ABCB1: variants seen among roughly 807,000 people sequenced by gnomAD.
ABCB1 encodes the protein ATP binding cassette subfamily B member 1.
A neutral mutation model predicts 142.0 loss-of-function variants in ABCB1; 69 were observed. That is an observed-to-expected ratio of 0.49 (90% CI 0.40 to 0.59). The LOEUF (loss-of-function observed/expected upper bound fraction) is 0.59. Ranked by LOEUF, ABCB1 falls within the 20% of genes least tolerant of loss-of-function variation. The pLI, the probability that ABCB1 is intolerant of heterozygous loss-of-function variation, is 0.00. For synonymous variants in ABCB1, 532 were observed against 539.2 expected (o/e 0.99, Z 0.18); for missense variants, 1,326 against 1,554.7 (o/e 0.85, Z 2.47).
At chr7:87,640,748 C>T (rs1163904559) in intron 1 of ABCB1, among the ~76,000 whole-genome samples, 1 of 152,112 alleles carries the variant, frequency 6.6e-6, no homozygotes, top group African/African-American at 2.4e-5. Flanking sequence ...CTTTATGCTT[C>T]AGCTTGTATG....
intron 1 of ABCB1, among the ~76,000 whole-genome samples, chr7:87,690,716 A>G (rs1165763312): frequency 6.6e-6 from 1 of 152,156 alleles, no homozygotes; most frequent in African/African-American, 2.4e-5. Flanking sequence ...CCTTAACAGT[A>G]TTAGTAATAG....
At chr7:87,611,667 A>G (rs535003507) in intron 1 of ABCB1, among the ~76,000 whole-genome samples, 13 of 152,180 alleles carry the variant, frequency 8.5e-5, no homozygotes, top group African/African-American at 2.6e-4. Flanking sequence ...AGAAAATAGC[A>G]TGTATTTTAA....
intron 1 of ABCB1, among the ~76,000 whole-genome samples, chr7:87,705,892 T>C (rs554796268): frequency 2.0e-5 from 3 of 152,312 alleles, no homozygotes; most frequent in African/African-American, 7.2e-5. Context: ...TCCAACTGAT[T>C]TCAAGTTCAA....
intron 8 of ABCB1, among the ~76,000 whole-genome samples, chr7:87,558,126 C>A (rs1817383875): frequency 6.6e-6 from 1 of 152,124 alleles, no homozygotes; most frequent in South Asian, 2.1e-4. Context: ...CCAGTGTTGT[C>A]CAAAAACAAC....
intron 1 of ABCB1, among the ~76,000 whole-genome samples, chr7:87,640,207 TATTAA>T (rs2130284342): frequency 6.7e-6 from 1 of 149,596 alleles, no homozygotes; most frequent in East Asian, 1.9e-4. Flanking sequence ...TATATATATA[TATTAA>T]ATCTTACATT....
intron 24 of ABCB1, among the ~76,000 whole-genome samples, chr7:87,515,701 G>A (rs28401796): frequency 0.029 from 4,324 of 151,516 alleles, 212 homozygotes; most frequent in African/African-American, 0.098. Flanking sequence ...AGCAATTCTC[G>A]TACCTCAGCC....
intron 1 of ABCB1, among the ~76,000 whole-genome samples, chr7:87,665,699 A>G (rs979618170): frequency 1.1e-4 from 16 of 151,748 alleles, no homozygotes; most frequent in African/African-American, 2.9e-4. Context: ...CTCACCCTTC[A>G]CTCTCAAGTA....
intron 21 of ABCB1, among the ~76,000 whole-genome samples, chr7:87,527,238 G>A (rs887550947): frequency 3.3e-5 from 5 of 152,034 alleles, no homozygotes; most frequent in African/African-American, 1.2e-4. Context: ...AATTTGAATT[G>A]ACTTTGCTTT....
intron 4 of ABCB1, among the ~76,000 whole-genome samples, chr7:87,580,630 A>G (rs1436620534): frequency 2.0e-5 from 3 of 152,148 alleles, no homozygotes; most frequent in African/African-American, 7.2e-5. Flanking sequence ...TTACCCTTTT[A>G]AATAAACTTT....
chr7:87,509,143 T>G, intron 26 of ABCB1, 132 bp downstream of exon 26: 1 of 877,114 alleles, frequency 1.1e-6, no homozygotes, highest in South Asian at 1.4e-5. Flanking sequence ...GCCAGATGCT[T>G]GTATACAGGT....
intron 7 of ABCB1, among the ~76,000 whole-genome samples, chr7:87,564,402 A>G (rs1415625899): frequency 6.6e-6 from 1 of 152,122 alleles, no homozygotes; most frequent in Non-Finnish European, 1.5e-5. Flanking sequence ...TTTCAAGATC[A>G]GACTGCCAGG....
At position 87,690,547 on chromosome 7, in the gene ABCB1, C is replaced by A. The variant is rs535268334; in HGVS notation, c.-331+22614G>T. 2.6e-5 allele frequency among the ~76,000 whole-genome samples: 4 copies of A among 152,172 alleles called. No homozygotes were observed. The East Asian group carries it at 7.7e-4, about 29-fold the overall frequency. On this transcript the variant is annotated intron_variant, in intron 1 of 28. Transcript: ENST00000265724. ...AGCTTAAGAAAAGTTATATATAGTA[C>A]TACATTTTAACTTCAGAACCTGTTA...
At chr7:87,539,588 T>C (rs1259538256) in intron 18 of ABCB1, among the ~76,000 whole-genome samples, 2 of 152,206 alleles carry the variant, frequency 1.3e-5, no homozygotes, top group Non-Finnish European at 2.9e-5. Flanking sequence ...CCCACAGTTA[T>C]AAGGTCACAG....
At chr7:87,632,163 C>T (rs1821289567) in intron 1 of ABCB1, among the ~76,000 whole-genome samples, 1 of 150,098 alleles carries the variant, frequency 6.7e-6, no homozygotes, top group Non-Finnish European at 1.5e-5. Context: ...TCCACTTATA[C>T]TTTCACAGTA....
Position 87,522,154 on chromosome 7 carries a change from T to A in ABCB1, c.2686-1278A>T. ...TGGTCATTGTGGCTTTGGTGGCAGC[T>A]GTGGTGGTGGTGGATATAGTGGCAG... On this transcript the variant is annotated intron_variant, in intron 21 of 27. Coordinates refer to ENST00000622132, the MANE Select transcript of ABCB1 (RefSeq NM_001348946.2). 3 of 1,452,106 alleles carry A rather than the reference T, an allele frequency of 2.1e-6. No homozygotes were observed. The Admixed American group carries it at 5.0e-5, about 24-fold the overall frequency. 90.0% of individuals were successfully genotyped at this position (1,452,106 alleles called of 1,614,324 possible). A position where few individuals can be genotyped will look rare whatever the true frequency, so the allele number is the denominator to read the frequency against.
In ABCB1 at chr7:87,553,317, CTTTTTTTTTTTTTT is replaced by C. The variant is rs941637830; in HGVS notation, c.999+430_999+443del. Among the ~76,000 whole-genome samples the C allele has an allele frequency of 4.4e-5, 5 of 112,666 alleles. No individual in the cohort carries two copies. In the Admixed American group the frequency reaches 4.6e-4, roughly 10 times the overall value. 73.9% of individuals were successfully genotyped at this position (112,666 alleles called of 152,430 possible). A position where few individuals can be genotyped will look rare whatever the true frequency, so the allele number is the denominator to read the frequency against. On this transcript the variant is annotated intron_variant, in intron 9 of 27. Coordinates refer to ENST00000622132, the MANE Select transcript of ABCB1 (RefSeq NM_001348946.2). ...GTCGGATGCATCTAATTTTTTTCCACTTTTTTTTTTTTTTTTTTTTTTTGAGACAGTCTTGCTGT... is the reference window on the plus strand; with the variant it reads ...GTCGGATGCATCTAATTTTTTTCCACTTTTTTTTTGAGACAGTCTTGCTGT...
chr7:87,665,442 C>A (rs894938978), intron 1 of ABCB1, among the ~76,000 whole-genome samples: 1 of 152,074 alleles, frequency 6.6e-6, no homozygotes, highest in Admixed American at 6.6e-5. Context: ...GTAGAAGACA[C>A]AAATAAATAG....
At chr7:87,541,874 G>A (rs1187045418) in intron 17 of ABCB1, among the ~76,000 whole-genome samples, 1 of 152,214 alleles carries the variant, frequency 6.6e-6, no homozygotes, top group Non-Finnish European at 1.5e-5. Context: ...GTGAACCACA[G>A]AGTGGTGGTC....
intron 1 of ABCB1, among the ~76,000 whole-genome samples, chr7:87,613,791 A>T (rs1031393967): frequency 7.2e-5 from 11 of 152,188 alleles, no homozygotes; most frequent in Admixed American, 3.3e-4. Context: ...TAACCTCAGC[A>T]TTATACAATA....
Sources: allele counts gnomAD v4.1 joint callset (sites outside exome capture counted in the v4.1 genomes callset), GRCh38; gene constraint gnomAD v4.1.1; transcripts MANE v1.5; gene names NCBI Gene and HGNC (gene_info 2026-07-23, HGNC 2026-07-21).